PREPL: variants seen among roughly 807,000 people sequenced by gnomAD.
The protein encoded by PREPL is prolyl endopeptidase like, also known as prolyl endopeptidase-like.
Under a neutral mutation model 70.6 loss-of-function variants are expected in PREPL, and 77 were observed. The observed-to-expected ratio is 1.09, with a 90% confidence interval of 0.91 to 1.32. The LOEUF is 1.32. PREPL is among the 40% of genes most tolerant of loss of function. The probability of loss-of-function intolerance (pLI) is 0.00; values close to 1 mark genes in which losing one functional copy is unlikely to be tolerated. For synonymous variants in PREPL, 315 were observed against 264.8 expected (o/e 1.19, Z -1.84); for missense variants, 1,002 against 778.2 (o/e 1.29, Z -3.42).
chr2:44,332,049 C>T (rs1385135234), intron 8 of PREPL, among the ~76,000 whole-genome samples: 2 of 151,204 alleles, frequency 1.3e-5, no homozygotes, highest in South Asian at 4.2e-4. Flanking sequence ...TGGGTTCACG[C>T]CATTCTCCTG....
intron 1 of PREPL, among the ~76,000 whole-genome samples, chr2:44,355,969 G>T (rs1016375243): frequency 6.6e-6 from 1 of 152,070 alleles, no homozygotes; most frequent in Non-Finnish European, 1.5e-5. Flanking sequence ...AGCAGAGCAG[G>T]ATGATGTGGA....
Position 44,337,919 on chromosome 2 carries a change from A to G in PREPL, c.888+432T>C, listed in dbSNP as rs964059263. ...AACTGGCAGACAGAAGATGATGCAG[A>G]CAAAAGCATGTAGTGGCTAAAAACA... On this transcript the variant is annotated intron_variant, in intron 7 of 13. Transcript: ENST00000409411. Among the ~76,000 whole-genome samples the G allele has an allele frequency of 9.8e-5, 15 of 152,366 alleles. No individual in the cohort carries two copies. The East Asian group carries it at 1.9e-3, about 20-fold the overall frequency.
intron 8 of PREPL, among the ~76,000 whole-genome samples, chr2:44,331,441 C>T (rs895953914): frequency 2.0e-5 from 3 of 151,842 alleles, no homozygotes; most frequent in South Asian, 2.1e-4. Flanking sequence ...GTCTCGACCT[C>T]GTGATCTGCC....
chr2:44,349,189 G>A (rs1434307756), intron 1 of PREPL, among the ~76,000 whole-genome samples: 1 of 152,154 alleles, frequency 6.6e-6, no homozygotes, highest in African/African-American at 2.4e-5. Context: ...GAACTCTAAA[G>A]ATAGAAAAAA....
intron 7 of PREPL, among the ~76,000 whole-genome samples, chr2:44,336,310 C>G (rs903627424): frequency 2.0e-5 from 3 of 152,118 alleles, no homozygotes; most frequent in Non-Finnish European, 4.4e-5. Flanking sequence ...CAATGATAGA[C>G]TGGATACAGA....
In PREPL at chr2:44,359,940, A is replaced by G. The variant is rs910433708; in HGVS notation, c.-49+1440T>C. On this transcript the variant is annotated intron_variant, in intron 1 of 13. Coordinates refer to ENST00000409411, the MANE Select transcript of PREPL (RefSeq NM_001171613.2). ...TGTAAGTTAAAGTTTCATTCAAATCATAATTCTTGGCAGATGTGACTTAAA... is the reference window on the plus strand; with the variant it reads ...TGTAAGTTAAAGTTTCATTCAAATCGTAATTCTTGGCAGATGTGACTTAAA... 12 of 500,024 alleles carry G rather than the reference A, an allele frequency of 2.4e-5. No individual in the cohort carries two copies. In the Admixed American group the frequency reaches 3.6e-4, roughly 15 times the overall value. 31.0% of individuals were successfully genotyped at this position (500,024 alleles called of 1,614,324 possible).
rs1672811456 is a variant in PREPL, at chr2:44,320,254, T to C, written c.*1102A>G. On this transcript the variant is annotated 3_prime_UTR_variant, in exon 14 of 14. Coordinates refer to ENST00000409411, the MANE Select transcript of PREPL (RefSeq NM_001171613.2). ...AAGTTATATCAAGATTTAAGTCTAC[T>C]TCATGCCAATGAGCTACTCCTCAAC... 1 of 1,614,002 alleles carries C rather than the reference T, an allele frequency of 6.2e-7. No homozygotes were observed. The highest frequency in any genetic ancestry group is 1.1e-5 in the South Asian group (1 of 91,086).
chr2:44,355,430 T>C (rs1676922001), intron 1 of PREPL, among the ~76,000 whole-genome samples: 1 of 152,122 alleles, frequency 6.6e-6, no homozygotes, highest in African/African-American at 2.4e-5. Flanking sequence ...ATGCCTGTAA[T>C]TCCAGTTACT....
chr2:44,336,000 C>T (rs145888864), intron 7 of PREPL, among the ~76,000 whole-genome samples: 60 of 151,940 alleles, frequency 3.9e-4, no homozygotes, highest in Admixed American at 1.7e-3. Context: ...TAAACCACAA[C>T]GAGATACCAT....
intron 1 of PREPL, among the ~76,000 whole-genome samples, chr2:44,348,815 A>T (rs755532657): frequency 2.0e-5 from 3 of 152,248 alleles, no homozygotes; most frequent in Non-Finnish European, 4.4e-5. Context: ...TATAATATTC[A>T]TTAAGTACTC....
Position 44,335,784 on chromosome 2 carries a change from C to G in PREPL, c.888+2567G>C, listed in dbSNP as rs1674578698. The stretch of plus-strand genomic sequence containing the variant: ...CAGAATGGGAGAAAATATTTACAAA[C>G]TATGCATCTGACAAAGATCTAGTAT... On this transcript the variant is annotated intron_variant, in intron 7 of 13. Transcript: ENST00000409411. 2.0e-5 allele frequency among the ~76,000 whole-genome samples: 3 copies of G among 150,622 alleles called. 1 individual carries two copies. In the Admixed American group the frequency reaches 2.0e-4, roughly 10 times the overall value.
intron 5 of PREPL, 129 bp from the exon 6 acceptor site, chr2:44,339,492 C>A: frequency 7.5e-7 from 1 of 1,334,776 alleles, no homozygotes; most frequent in Non-Finnish European, 9.9e-7. Flanking sequence ...TAAAATAATT[C>A]CTTAGTGAAT....
At chr2:44,323,604 T>C (rs769295413) in intron 10 of PREPL, among the ~76,000 whole-genome samples, 193 bp from the exon 11 acceptor site, 4 of 152,218 alleles carry the variant, frequency 2.6e-5, no homozygotes, top group Non-Finnish European at 5.9e-5. Flanking sequence ...AGTCTTCAGA[T>C]TCCTTAAATG....
In PREPL at chr2:44,329,081, T is replaced by C. The variant is rs763809706; in HGVS notation, c.1118A>G (p.His373Arg). 3.1e-6 allele frequency: 5 copies of C among 1,608,140 alleles called. No individual in the cohort carries two copies. In the African/African-American group the frequency reaches 6.7e-5, roughly 22 times the overall value. ...CTGCAAGTCCTCAGAGTCAGTTTTG[T>C]GGAAAACAGTCATTGGCACTAATTT... ...DGKLVPMTVF[H>R]KTDSEDLQKK... Residue 373 changes from histidine to arginine, a missense_variant, in exon 9 of 14, where the codon CAC (histidine) becomes CGC (arginine). Transcript: ENST00000409411.
At chr2:44,349,099 A>C (rs959828945) in intron 1 of PREPL, among the ~76,000 whole-genome samples, 4 of 152,216 alleles carry the variant, frequency 2.6e-5, no homozygotes, top group Non-Finnish European at 4.4e-5. Flanking sequence ...GTGACCCACC[A>C]CTAAATCATT....
intron 4 of PREPL, among the ~76,000 whole-genome samples, chr2:44,343,222 G>T (rs1675416488): frequency 6.6e-6 from 1 of 152,192 alleles, no homozygotes; most frequent in African/African-American, 2.4e-5. Flanking sequence ...GGCTGAAAAT[G>T]AAAAGGGAGG....
At chr2:44,323,514 A>T (rs1673191203) in intron 10 of PREPL, 103 bp from the exon 11 acceptor site, 7 of 929,334 alleles carry the variant, frequency 7.5e-6, no homozygotes, top group Non-Finnish European at 1.1e-5. Flanking sequence ...ATGAGAGAAA[A>T]TAACTCAAGC....
Position 44,317,999 on chromosome 2 carries a change from C to CA in PREPL, c.*3356dup, listed in dbSNP as rs1672573574. The stretch of plus-strand genomic sequence containing the variant: ...TGCAACCCAGCTATAGCTATAAACA[C>CA]AAAAAATGAAGTTATCTTTTGACCT... On this transcript the variant is annotated 3_prime_UTR_variant, in exon 14 of 14. Transcript: ENST00000409411. The CA allele has an allele frequency of 5.9e-6, 2 of 341,598 alleles. No individual in the cohort carries two copies. The highest frequency in any genetic ancestry group is 2.2e-5 in the South Asian group (1 of 46,432). The allele number at this position is 341,598 out of a possible 1,614,324, so 21.2% of individuals were successfully genotyped here. A position where few individuals can be genotyped will look rare whatever the true frequency, so the allele number is the denominator to read the frequency against.
intron 10 of PREPL, among the ~76,000 whole-genome samples, chr2:44,324,897 A>G (rs1285876757): frequency 1.3e-5 from 2 of 152,182 alleles, no homozygotes; most frequent in Admixed American, 6.5e-5. Context: ...TCAAAAAACA[A>G]AACAAAACAA....
Sources: allele counts gnomAD v4.1 joint callset (sites outside exome capture counted in the v4.1 genomes callset), GRCh38; gene constraint gnomAD v4.1.1; transcripts MANE v1.5; gene names NCBI Gene and HGNC (gene_info 2026-07-23, HGNC 2026-07-21).